The following FANCA variants were observed in gnomAD, a reference collection of about 807,000 sequenced individuals.
FANCA encodes Fanconi anemia group A protein.
A neutral mutation model predicts 194.3 loss-of-function variants in FANCA; 236 were observed. The ratio of observed to expected loss-of-function variants is 1.21; its 90% confidence interval spans 1.09 to 1.35. The LOEUF is 1.35. Ranked by LOEUF, FANCA falls within the 40% of genes most tolerant of loss-of-function variation. The pLI is 0.00. For missense variants in FANCA, 2,628 were observed against 1,813.9 expected, an observed-to-expected ratio of 1.45 and a Z score of -8.15; for synonymous variants, 1,014 against 715.8, an observed-to-expected ratio of 1.42 and a Z score of -6.65.
At chr16:89,758,881 CCTGGGGATGT>C (rs1321195147) in intron 29 of FANCA, among the ~76,000 whole-genome samples, 176 bp from the exon 30 acceptor site, 3 of 152,022 alleles carry the variant, frequency 2.0e-5, no homozygotes, top group Admixed American at 1.3e-4. Flanking sequence ...GGGTGGGATG[CCTGGGGATGT>C]GGGAAAGGCC....
At position 89,749,800 on chromosome 16, in the gene FANCA, G is replaced by T. The variant is rs373545111; in HGVS notation, c.3169C>A (p.Gln1057Lys). The change falls in exon 32 of 43, where the codon CAG becomes AAG. Residue 1057 changes from glutamine (Q) to lysine (K), a missense_variant. Coordinates refer to ENST00000389301, the MANE Select transcript of FANCA (RefSeq NM_000135.4). ...ACGCTCCACCCGCTTGTCAGAGCCT[G>T]GAGCCGTCTGCGGAAAATCTCAAAG... ...FLFEIFRRRL[Q>K]ALTSGWSVAA... 6.2e-7 allele frequency: 1 copy of T among 1,614,210 alleles called. No homozygotes were observed. The highest frequency in any genetic ancestry group is 1.1e-5 in the South Asian group (1 of 91,088).
At chr16:89,790,397 AAAAT>A (rs1196065814) in intron 14 of FANCA, among the ~76,000 whole-genome samples, 1 of 143,782 alleles carries the variant, frequency 7.0e-6, no homozygotes, top group Non-Finnish European at 1.5e-5. Context: ...CCACCTCAAA[AAAAT>A]AAATAAGTAA....
At position 89,772,511 on chromosome 16, in the gene FANCA, A is replaced by AT. The variant is rs2039360258; in HGVS notation, c.2015-698_2015-697insA. Reference sequence around the variant, plus strand: ...ACAGAGCAAGACTCCGTCTCAAAAAAATATATATATATCACCTCCATGTAG... The same window carrying AT: ...ACAGAGCAAGACTCCGTCTCAAAAAATATATATATATATCACCTCCATGTAG... On this transcript the variant is annotated intron_variant, in intron 22 of 42. Transcript: ENST00000389301. 4.6e-5 allele frequency among the ~76,000 whole-genome samples: 7 copies of AT among 151,234 alleles called. No homozygotes were observed. In the South Asian group the frequency reaches 1.3e-3, roughly 27 times the overall value.
intron 8 of FANCA, among the ~76,000 whole-genome samples, chr16:89,801,153 G>A (rs959480463): frequency 7.2e-5 from 11 of 151,890 alleles, no homozygotes; most frequent in Admixed American, 7.2e-4. Context: ...AGACCAGCCT[G>A]ACCAACACTG....
intron 31 of FANCA, 70 bp from the exon 32 acceptor site, chr16:89,749,972 CGTCAGGG>C: frequency 6.4e-7 from 1 of 1,552,414 alleles, no homozygotes; most frequent in Non-Finnish European, 8.9e-7. Context: ...GGGACCCAGA[CGTCAGGG>C]GTCAGGGAGA....
intron 28 of FANCA, chr16:89,762,675 C>T: frequency 2.7e-6 from 1 of 365,680 alleles, no homozygotes; most frequent in Non-Finnish European, 5.7e-6. Context: ...GTTGCCCAGG[C>T]TGGAGTGTGT....
intron 37 of FANCA, among the ~76,000 whole-genome samples, chr16:89,741,153 C>T (rs536121638): frequency 1.1e-4 from 16 of 152,322 alleles, no homozygotes; most frequent in African/African-American, 3.4e-4. Context: ...TGGCTGTGCG[C>T]AGTCCCAACT....
intron 3 of FANCA, among the ~76,000 whole-genome samples, chr16:89,811,935 T>C (rs1247907722): frequency 2.0e-5 from 3 of 151,372 alleles, no homozygotes; most frequent in Non-Finnish European, 3.0e-5. Flanking sequence ...TTTCACTATG[T>C]TGGCTAGGCT....
Position 89,783,136 on chromosome 16 carries a change from T to C in FANCA, c.1471-34A>G, listed in dbSNP as rs1413461445. The C allele has an allele frequency of 3.9e-6, 6 of 1,532,464 alleles. 1 individual carries two copies. Among genetic ancestry groups the C allele is most frequent in the Non-Finnish European group, 5.4e-6 (6 of 1,107,402 alleles). 94.9% of individuals were successfully genotyped at this position (1,532,464 alleles called of 1,614,324 possible). On this transcript the variant is annotated intron_variant, in intron 15 of 42. Coordinates refer to ENST00000389301, the MANE Select transcript of FANCA (RefSeq NM_000135.4). ...AGATAGCAGAGCGCAGCACCGTTAG[T>C]CTGGGAACTGCCTGGGACTCCAGGG...
At chr16:89,789,326 C>T (rs1484799310) in intron 14 of FANCA, among the ~76,000 whole-genome samples, 3 of 151,472 alleles carry the variant, frequency 2.0e-5, no homozygotes. Context: ...GCAGGCACCG[C>T]AGCCACGATG....
chr16:89,744,200 TCTC>T (rs1021108031), intron 36 of FANCA, among the ~76,000 whole-genome samples: 1 of 152,134 alleles, frequency 6.6e-6, no homozygotes, highest in African/African-American at 2.4e-5. Flanking sequence ...GGGGCCCTCT[TCTC>T]TTCTTTCAGC....
chr16:89,814,465 A>G, intron 3 of FANCA, 55 bp downstream of exon 3: 6 of 1,300,856 alleles, frequency 4.6e-6, no homozygotes, highest in Non-Finnish European at 6.6e-6. Context: ...AACTATGGTT[A>G]CTATATAAAA....
At chr16:89,815,847 G>C in intron 2 of FANCA, 30 bp downstream of exon 2, 6 of 1,537,334 alleles carry the variant, frequency 3.9e-6, no homozygotes, top group Non-Finnish European at 5.4e-6. Flanking sequence ...ACCTAAATCT[G>C]CCCGCAGACG....
intron 11 of FANCA, among the ~76,000 whole-genome samples, chr16:89,794,862 G>A (rs954382613): frequency 2.6e-5 from 4 of 152,204 alleles, no homozygotes; most frequent in Non-Finnish European, 2.9e-5. Flanking sequence ...ACACGCCACC[G>A]AGTCTAGCTG....
At chr16:89,756,914 G>A (rs892510628) in intron 30 of FANCA, among the ~76,000 whole-genome samples, 1 of 152,184 alleles carries the variant, frequency 6.6e-6, no homozygotes, top group Non-Finnish European at 1.5e-5. Flanking sequence ...AAGGACTATT[G>A]AAGTCAACCC....
rs780031277 is a variant in FANCA, at chr16:89,742,899, C to G, written c.3666G>C (p.Pro1222=). The G allele has an allele frequency of 1.2e-6, 2 of 1,614,078 alleles. No individual in the cohort carries two copies. Among genetic ancestry groups the G allele is most frequent in the Non-Finnish European group, 1.7e-6 (2 of 1,180,004 alleles). The stretch of plus-strand genomic sequence containing the variant: ...GCAGTGCAGCAGCTGAGAGCCAGTC[C>G]GGGTTGGGTGCTGGGGAGGCAGCCT... ...SPEAASPAPN[P]DWLSAAALHF... Residue 1222 remains proline, a synonymous_variant, in exon 37 of 43, where the codon CCG becomes CCC. Transcript: ENST00000389301.
intron 39 of FANCA, 22 bp from the exon 40 acceptor site, chr16:89,739,575 C>T: frequency 2.6e-6 from 4 of 1,550,426 alleles, no homozygotes; most frequent in Non-Finnish European, 3.5e-6. Context: ...AGAAGTGGCT[C>T]AGGCAACTCT....
At chr16:89,767,266 G>A in intron 26 of FANCA, 29 bp from the exon 27 acceptor site, 3 of 1,474,384 alleles carry the variant, frequency 2.0e-6, no homozygotes, top group Middle Eastern at 1.7e-4. Flanking sequence ...ACATATAAAT[G>A]TAATCCATAC....
Position 89,814,834 on chromosome 16 carries a change from G to A in FANCA, c.190-221C>T, listed in dbSNP as rs1165358785. Among the ~76,000 whole-genome samples the A allele has an allele frequency of 4.6e-5, 7 of 152,150 alleles. No homozygotes were observed. The South Asian group carries it at 6.2e-4, about 14-fold the overall frequency. ...CGCGTGCCTGTAGTCCCAGCCACTCGGGAGGCTGAGACGGGAGAATCACTT... is the reference window on the plus strand; with the variant it reads ...CGCGTGCCTGTAGTCCCAGCCACTCAGGAGGCTGAGACGGGAGAATCACTT... On this transcript the variant is annotated intron_variant, in intron 2 of 42. Coordinates refer to ENST00000389301, the MANE Select transcript of FANCA (RefSeq NM_000135.4).
Sources: allele counts gnomAD v4.1 joint callset (sites outside exome capture counted in the v4.1 genomes callset), GRCh38; gene constraint gnomAD v4.1.1; transcripts MANE v1.5; gene names NCBI Gene and HGNC (gene_info 2026-07-23, HGNC 2026-07-21).